The following RBM28 variants were observed in gnomAD, a reference collection of about 807,000 sequenced individuals.
RBM28 encodes the protein RNA-binding protein 28.
In RBM28, 78 loss-of-function variants were observed where a neutral mutation model predicts 98.3. The ratio of observed to expected loss-of-function variants is 0.79; its 90% CI spans 0.66 to 0.96. The LOEUF is 0.96. Among genes scored for constraint, RBM28 ranks in the 40% least tolerant of loss-of-function variants. RBM28 has a pLI of 0.00. For synonymous variants in RBM28, 306 were observed against 330.9 expected (o/e 0.92, Z 0.82); for missense variants, 838 against 913.0 (o/e 0.92, Z 1.06).
rs1403424425 is a variant in RBM28, at chr7:128,299,710, T to G, written c.*11087A>C. On this transcript the variant is annotated 3_prime_UTR_variant, in exon 19 of 19. Coordinates refer to ENST00000223073, the MANE Select transcript of RBM28 (RefSeq NM_018077.3). ...AGAGGCACCCTCATGGCCTAATTACTTCTTTAAGGACCCCATCTCAATACT... is the reference window on the plus strand; with the variant it reads ...AGAGGCACCCTCATGGCCTAATTACGTCTTTAAGGACCCCATCTCAATACT... 6.6e-6 allele frequency: 1 copy of G among 152,258 alleles called. No homozygotes were observed. The highest frequency in any genetic ancestry group is 1.5e-5 in the Non-Finnish European group (1 of 68,052). The allele number at this position is 152,258 out of a possible 1,614,324, so 9.4% of individuals were successfully genotyped here.
intron 10 of RBM28, among the ~76,000 whole-genome samples, chr7:128,326,971 C>T (rs544004871): frequency 2.7e-5 from 4 of 150,074 alleles, no homozygotes; most frequent in South Asian, 2.1e-4. Context: ...CCTGTCTCTA[C>T]GAAAGAAAAA....
At chr7:128,338,837 C>T (rs773511800) in intron 3 of RBM28, 36 bp from the exon 4 acceptor site, 2 of 1,380,376 alleles carry the variant, frequency 1.4e-6, no homozygotes, top group Non-Finnish European at 2.1e-6. Context: ...AAGAGAAACA[C>T]AATCACAGCA....
chr7:128,335,203 A>T (rs1359430423), intron 8 of RBM28, among the ~76,000 whole-genome samples: 1 of 152,194 alleles, frequency 6.6e-6, no homozygotes, highest in Non-Finnish European at 1.5e-5. Context: ...CATCTATATT[A>T]TCTGTATAAG....
intron 1 of RBM28, among the ~76,000 whole-genome samples, chr7:128,341,629 G>A (rs1331306566): frequency 6.6e-6 from 1 of 152,198 alleles, no homozygotes; most frequent in Non-Finnish European, 1.5e-5. Flanking sequence ...AAGGAAGTAA[G>A]AGATTTTTAA....
Position 128,317,840 on chromosome 7 carries a change from T to C in RBM28, c.1714-107A>G, listed in dbSNP as rs2290226. 0.4 allele frequency: 605,201 copies of C among 1,525,692 alleles called. 122,082 individuals are homozygous for C. Among genetic ancestry groups the C allele is most frequent in the Middle Eastern group, 0.44 (2,604 of 5,914 alleles). The allele number at this position is 1,525,692 out of a possible 1,614,324, so 94.5% of individuals were successfully genotyped here. A position where few individuals can be genotyped will look rare whatever the true frequency, so the allele number is the denominator to read the frequency against. On this transcript the variant is annotated intron_variant, in intron 15 of 18. Transcript: ENST00000223073. ...CCTCCCCCAACCCACCTTTTTTTTG[T>C]CCACTTGCCACTGTTTCCCACCCCT...
intron 18 of RBM28, among the ~76,000 whole-genome samples, chr7:128,311,442 C>G (rs1795982684): frequency 6.6e-6 from 1 of 152,068 alleles, no homozygotes; most frequent in South Asian, 2.1e-4. Flanking sequence ...TTCAAGTGTT[C>G]AAGAATGTAG....
intron 17 of RBM28, 104 bp downstream of exon 17, chr7:128,314,660 T>A: frequency 6.4e-7 from 1 of 1,565,188 alleles, no homozygotes; most frequent in Non-Finnish European, 8.8e-7. Flanking sequence ...GCACCAAACA[T>A]CCTTTTCAAC....
chr7:128,330,932 T>C lies in RBM28; in HGVS notation c.1020-4A>G. The C allele has an allele frequency of 6.3e-7, 1 of 1,599,978 alleles. No homozygotes were observed. Among genetic ancestry groups the C allele is most frequent in the Admixed American group, 1.7e-5 (1 of 60,012 alleles). On this transcript the variant is annotated splice_polypyrimidine_tract_variant and splice_region_variant and intron_variant, in intron 9 of 18. Transcript: ENST00000223073. ...TTCTGAGTCAAAGGACAGATTTCTA[T>C]GGAAGATAACCAGATGATCACAAGA...
rs557644021 is a variant in RBM28, at chr7:128,305,922, G to A, written c.*4875C>T. 5.1e-4 allele frequency: 77 copies of A among 152,308 alleles called. No homozygotes were observed. The highest frequency in any genetic ancestry group is 1.4e-3 in the African/African-American group (60 of 41,548). 9.4% of individuals were successfully genotyped at this position (152,308 alleles called of 1,614,324 possible). A position where few individuals can be genotyped will look rare whatever the true frequency, so the allele number is the denominator to read the frequency against. On this transcript the variant is annotated 3_prime_UTR_variant, in exon 19 of 19. Coordinates refer to ENST00000223073, the MANE Select transcript of RBM28 (RefSeq NM_018077.3). ...GAGAAAATACATAAAACAAGGACAG[G>A]TTGTTCGGCATCTCTTCAGGAGATG...
In RBM28 at chr7:128,339,335, G is replaced by A; in HGVS notation, c.278-14C>T. ...ACTCTGAGTTTTCTAAAAAATAAGAGGTAATGGAATAAGTACTCGAAAATC... is the reference window on the plus strand; with the variant it reads ...ACTCTGAGTTTTCTAAAAAATAAGAAGTAATGGAATAAGTACTCGAAAATC... On this transcript the variant is annotated splice_polypyrimidine_tract_variant and intron_variant, in intron 2 of 18. Coordinates refer to ENST00000223073, the MANE Select transcript of RBM28 (RefSeq NM_018077.3). 1 of 1,583,828 alleles carries A rather than the reference G, an allele frequency of 6.3e-7. No individual in the cohort carries two copies. The highest frequency in any genetic ancestry group is 1.4e-5 in the African/African-American group (1 of 74,024).
rs145972885 is a variant in RBM28 at position 128,323,529 on chromosome 7, G to A, written c.1402C>T (p.Arg468Trp). ...AGGTCAATGCCTAATCTACTCACCCGTTCTCTTTTGGCCATATCAGCAGCA... is the reference window on the plus strand; with the variant it reads ...AGGTCAATGCCTAATCTACTCACCCATTCTCTTTTGGCCATATCAGCAGCA... ...VSAADMAKRE[R>W]FELLKHQKLK... The change falls in exon 13 of 19, where the codon CGG becomes TGG. Residue 468 changes from arginine (R) to tryptophan (W), a missense_variant and splice_region_variant. Physicochemically the swap from Arg to Trp is moderately radical, Grantham distance 101. Coordinates refer to ENST00000223073, the MANE Select transcript of RBM28 (RefSeq NM_018077.3). The A allele has an allele frequency of 3.8e-5, 62 of 1,614,036 alleles. No homozygotes were observed. Among genetic ancestry groups the A allele is most frequent in the East Asian group, 8.9e-5 (4 of 44,902 alleles).
At chr7:128,328,408 AG>A (rs1796400126) in intron 10 of RBM28, among the ~76,000 whole-genome samples, 1 of 152,212 alleles carries the variant, frequency 6.6e-6, no homozygotes, top group African/African-American at 2.4e-5. Context: ...TAGCTCTTCC[AG>A]GTAGTGAAAT....
intron 7 of RBM28, 38 bp downstream of exon 7, chr7:128,335,809 T>C (rs1422455482): frequency 1.2e-6 from 2 of 1,614,046 alleles, no homozygotes; most frequent in Non-Finnish European, 1.7e-6. Context: ...CAATCTTGAA[T>C]CTTCCTCTGC....
chr7:128,299,750 A>T lies in RBM28; in HGVS notation c.*11047T>A, dbSNP rs563772598. On this transcript the variant is annotated 3_prime_UTR_variant, in exon 19 of 19. Transcript: ENST00000223073. The stretch of plus-strand genomic sequence containing the variant: ...ATCTCAATACTATCACATTGGCAAT[A>T]ACCTGAATTTTGGAAGGGACACATT... 6.6e-6 allele frequency: 1 copy of T among 152,246 alleles called. No individual in the cohort carries two copies. Among genetic ancestry groups the T allele is most frequent in the Non-Finnish European group, 1.5e-5 (1 of 68,042 alleles). 9.4% of individuals were successfully genotyped at this position (152,246 alleles called of 1,614,324 possible).
At chr7:128,319,960 G>A (rs550751398) in intron 14 of RBM28, among the ~76,000 whole-genome samples, 10 of 152,246 alleles carry the variant, frequency 6.6e-5, no homozygotes, top group Non-Finnish European at 1.3e-4. Flanking sequence ...GCTCACGCCT[G>A]TAATCCCAGC....
intron 1 of RBM28, among the ~76,000 whole-genome samples, chr7:128,342,016 A>T (rs1184755148): frequency 1.3e-5 from 2 of 152,186 alleles, no homozygotes; most frequent in Non-Finnish European, 2.9e-5. Flanking sequence ...AAAATTGGCC[A>T]GGCATGGTGA....
chr7:128,319,296 C>A (rs1339421085), intron 14 of RBM28, among the ~76,000 whole-genome samples: 2 of 152,068 alleles, frequency 1.3e-5, no homozygotes, highest in African/African-American at 4.8e-5. Flanking sequence ...ACTATACATA[C>A]AAATAGGAAA....
chr7:128,336,182 G>C (rs1796597223), intron 6 of RBM28, 140 bp from the exon 7 acceptor site: 1 of 781,696 alleles, frequency 1.3e-6, no homozygotes, highest in Admixed American at 2.8e-5. Flanking sequence ...CATATAACAG[G>C]AGAAAGTATA....
Position 128,314,811 on chromosome 7 carries a change from CT to C in RBM28, c.1997del (p.Lys666ArgfsTer24). ...VEQVELPDGK[K>X]RRKVLALPSH... ...AGGGGAGCGCCAGGACCTTTCTTCT[CT>C]TCTTTCCATCAGGCAGCTCCACCTG... On this transcript the variant is annotated frameshift_variant, in exon 17 of 19. Coordinates refer to ENST00000223073, the MANE Select transcript of RBM28 (RefSeq NM_018077.3). LOFTEE classifies it high-confidence loss of function. 6.2e-7 allele frequency: 1 copy of C among 1,614,246 alleles called. No individual in the cohort carries two copies. Among genetic ancestry groups the C allele is most frequent in the South Asian group, 1.1e-5 (1 of 91,088 alleles).
Sources: allele counts gnomAD v4.1 joint callset (sites outside exome capture counted in the v4.1 genomes callset), GRCh38; gene constraint gnomAD v4.1.1; transcripts MANE v1.5; gene names NCBI Gene and HGNC (gene_info 2026-07-23, HGNC 2026-07-21).